The following NAV2 variants were observed in gnomAD, a reference collection of about 807,000 sequenced individuals.
The protein encoded by NAV2 is neuron navigator 2, also known as helicase, APC down-regulated 1.
In NAV2, 54 loss-of-function variants were observed where a neutral mutation model predicts 223.2. The ratio of observed to expected loss-of-function variants is 0.24; its 90% CI spans 0.19 to 0.30. The LOEUF (loss-of-function observed/expected upper bound fraction) is 0.30, where lower values mean the gene tolerates loss of function less well. NAV2 is among the 10% of genes least tolerant of loss of function. The probability of loss-of-function intolerance (pLI) is 1.00; values close to 1 mark genes in which losing one functional copy is unlikely to be tolerated. For synonymous variants in NAV2, 1,279 were observed against 1,239.3 expected, an observed-to-expected ratio of 1.03 and a Z score of -0.67; for missense variants, 2,806 against 3,147.5, an observed-to-expected ratio of 0.89 and a Z score of 2.60.
At chr11:19,827,873 G>A (rs974455941) in intron 1 of NAV2, among the ~76,000 whole-genome samples, 20 of 151,748 alleles carry the variant, frequency 1.3e-4, no homozygotes, top group South Asian at 2.1e-4. Context: ...AGCATTCTGC[G>A]AGCCCACGCC....
intron 22 of NAV2, among the ~76,000 whole-genome samples, chr11:20,071,055 A>G (rs974933487): frequency 2.0e-4 from 31 of 152,020 alleles, no homozygotes; most frequent in African/African-American, 7.0e-4. Context: ...TGCTGCACCC[A>G]TCAACTCGTC....
chr11:20,024,783 A>G (rs1591712618), intron 11 of NAV2, among the ~76,000 whole-genome samples: 1 of 152,132 alleles, frequency 6.6e-6, no homozygotes, highest in South Asian at 2.1e-4. Context: ...TCCCTAAGAT[A>G]TATTGGGAGC....
chr11:20,043,930 T>C (rs770078965), intron 12 of NAV2, 51 bp from the exon 13 acceptor site: 1 of 1,578,730 alleles, frequency 6.3e-7, no homozygotes, highest in Non-Finnish European at 8.7e-7. Flanking sequence ...AGTGAGGGGC[T>C]TCCCAGCCTG....
At chr11:19,884,204 C>T in intron 5 of NAV2, 2 of 910,896 alleles carry the variant, frequency 2.2e-6, no homozygotes, top group Non-Finnish European at 3.5e-6. Context: ...GCAACATCCC[C>T]ATTGTCAGAA....
chr11:19,600,987 A>C (rs1432268478), intron 1 of NAV2, among the ~76,000 whole-genome samples: 1 of 152,186 alleles, frequency 6.6e-6, no homozygotes, highest in East Asian at 1.9e-4. Context: ...TGCTCCACAG[A>C]AGCTTTGTTT....
At chr11:19,416,311 A>C (rs1347211173) in intron 1 of NAV2, among the ~76,000 whole-genome samples, 1 of 152,328 alleles carries the variant, frequency 6.6e-6, no homozygotes, top group South Asian at 2.1e-4. Flanking sequence ...ATAGACAAAC[A>C]GAGAGCCAAA....
At chr11:19,535,076 A>G (rs1289123806) in intron 1 of NAV2, among the ~76,000 whole-genome samples, 4 of 151,896 alleles carry the variant, frequency 2.6e-5, no homozygotes, top group African/African-American at 9.7e-5. Context: ...AGGAGCCAGT[A>G]GAGATTTTCC....
At position 20,097,541 on chromosome 11, in the gene NAV2, A is replaced by G. The variant is rs764548461; in HGVS notation, c.6013-36A>G. On this transcript the variant is annotated intron_variant, in intron 30 of 37. Transcript: ENST00000349880. Reference sequence around the variant, plus strand: ...TGAGTCATGGGCAGATTTTAGCCACATCTTTGATGGGGTCTTTATTTTTTA... The same window carrying G: ...TGAGTCATGGGCAGATTTTAGCCACGTCTTTGATGGGGTCTTTATTTTTTA... 3.3e-6 allele frequency: 5 copies of G among 1,522,210 alleles called. No individual in the cohort carries two copies. The East Asian group carries it at 1.2e-4, about 35-fold the overall frequency. 94.3% of individuals were successfully genotyped at this position (1,522,210 alleles called of 1,614,324 possible).
intron 1 of NAV2, among the ~76,000 whole-genome samples, chr11:19,412,986 G>T (rs566820959): frequency 5.9e-5 from 9 of 152,250 alleles, no homozygotes; most frequent in Admixed American, 1.3e-4. Context: ...GCACAAAAAG[G>T]CTGAAAATTC....
chr11:19,377,686 C>T (rs1306898616), intron 1 of NAV2, among the ~76,000 whole-genome samples: 1 of 113,268 alleles, frequency 8.8e-6, no homozygotes, highest in East Asian at 3.2e-4. Flanking sequence ...AATGGGTATT[C>T]AGAATCAAAT....
chr11:19,625,915 G>A (rs2047157207), intron 1 of NAV2, among the ~76,000 whole-genome samples: 2 of 151,828 alleles, frequency 1.3e-5, no homozygotes, highest in Admixed American at 6.6e-5. Context: ...TGAGTTCCTT[G>A]TATATTCTGG....
chr11:19,453,881 A>G (rs1299344816), intron 1 of NAV2, among the ~76,000 whole-genome samples: 1 of 152,198 alleles, frequency 6.6e-6, no homozygotes, highest in Non-Finnish European at 1.5e-5. Context: ...CCTTCCTGTC[A>G]CTATTGTGCC....
In NAV2 at chr11:20,051,276, A is replaced by G; in HGVS notation, c.4437-13A>G. ...GCTCTGAAGTTCTTATTTTTGTTTT[A>G]ACTTTCCTACAGTGACCCGCACCTT... On this transcript the variant is annotated splice_polypyrimidine_tract_variant and intron_variant, in intron 16 of 37. Transcript: ENST00000349880. The G allele has an allele frequency of 6.2e-7, 1 of 1,613,400 alleles. No individual in the cohort carries two copies. Among genetic ancestry groups the G allele is most frequent in the Non-Finnish European group, 8.5e-7 (1 of 1,179,536 alleles).
chr11:20,011,188 A>G (rs1394538810), intron 11 of NAV2, among the ~76,000 whole-genome samples: 1 of 152,254 alleles, frequency 6.6e-6, no homozygotes, highest in East Asian at 1.9e-4. Context: ...TTTTTTAAAA[A>G]AATGAGTTTT....
intron 36 of NAV2, among the ~76,000 whole-genome samples, chr11:20,113,040 A>C (rs911254846): frequency 6.6e-6 from 1 of 152,178 alleles, no homozygotes; most frequent in Admixed American, 6.5e-5. Flanking sequence ...CTGTGCTCTA[A>C]GGCCCCCTGC....
chr11:19,495,903 C>T (rs773261586), intron 1 of NAV2, among the ~76,000 whole-genome samples: 8 of 152,046 alleles, frequency 5.3e-5, no homozygotes, highest in East Asian at 1.9e-4. Context: ...TCAGTGACAG[C>T]GGGAGAGGAG....
chr11:20,058,493 A>G (rs567737039), intron 19 of NAV2, among the ~76,000 whole-genome samples: 1 of 152,336 alleles, frequency 6.6e-6, no homozygotes, highest in East Asian at 1.9e-4. Context: ...TTGAAGCATT[A>G]TTAAAATGGA....
chr11:19,863,735 G>A (rs1347780533), intron 3 of NAV2, among the ~76,000 whole-genome samples: 1 of 152,066 alleles, frequency 6.6e-6, no homozygotes, highest in Non-Finnish European at 1.5e-5. Context: ...AACCATAACA[G>A]CTTGTCATCA....
At chr11:20,077,740 T>C in intron 23 of NAV2, 105 bp downstream of exon 23, 1 of 976,282 alleles carries the variant, frequency 1.0e-6, no homozygotes, top group Non-Finnish European at 1.6e-6. Flanking sequence ...AATGTATTTC[T>C]TGAACTGTTA....
Sources: allele counts gnomAD v4.1 joint callset (sites outside exome capture counted in the v4.1 genomes callset), GRCh38; gene constraint gnomAD v4.1.1; transcripts MANE v1.5; gene names NCBI Gene and HGNC (gene_info 2026-07-23, HGNC 2026-07-21).